The following ZBP1 variants were observed in gnomAD, a reference collection of about 807,000 sequenced individuals.
ZBP1 encodes Z-DNA-binding protein 1.
Under a neutral mutation model 41.1 loss-of-function variants are expected in ZBP1, and 42 were observed. That is an observed-to-expected ratio of 1.02 (90% CI 0.80 to 1.32). The LOEUF (loss-of-function observed/expected upper bound fraction) is 1.32. Ranked by LOEUF, ZBP1 falls within the 40% of genes most tolerant of loss-of-function variation. ZBP1 has a pLI of 0.00. For missense variants in ZBP1, 562 were observed against 549.7 expected, an observed-to-expected ratio of 1.02 and a Z score of -0.22; for synonymous variants, 214 against 205.2, an observed-to-expected ratio of 1.04 and a Z score of -0.37.
chr20:57,612,845 T>A, intron 5 of ZBP1: 1 of 1,146,420 alleles, frequency 8.7e-7, no homozygotes, highest in Non-Finnish European at 1.1e-6. Context: ...CCGGACCCCA[T>A]TGAAAATGAG....
intron 1 of ZBP1, 163 bp downstream of exon 1, chr20:57,620,099 G>C (rs2070964833): frequency 1.2e-6 from 1 of 802,290 alleles, no homozygotes; most frequent in Non-Finnish European, 2.0e-6. Flanking sequence ...GCCTCCCAAA[G>C]TGCTGGGATT....
At chr20:57,614,247 C>T (rs1047970671) in intron 4 of ZBP1, among the ~76,000 whole-genome samples, 2 of 152,144 alleles carry the variant, frequency 1.3e-5, no homozygotes, top group African/African-American at 2.4e-5. Context: ...GTTGGCCAGA[C>T]TGGTCACTCC....
rs751835345 is a variant in ZBP1, at chr20:57,613,372, T to G, written c.503-42A>C. ...AACTGTATCCCTTTGCCACTGTCTATGGGTCAGGGGTTCCCAATACCAGTC... is the reference window on the plus strand; with the variant it reads ...AACTGTATCCCTTTGCCACTGTCTAGGGGTCAGGGGTTCCCAATACCAGTC... On this transcript the variant is annotated intron_variant, in intron 4 of 7. Transcript: ENST00000371173. The surrounding 1 kb of genome is among the most constrained non-coding windows in gnomAD (Gnocchi z 4.5). 1 of 1,592,188 alleles carries G rather than the reference T, an allele frequency of 6.3e-7. No individual in the cohort carries two copies. The highest frequency in any genetic ancestry group is 8.5e-7 in the Non-Finnish European group (1 of 1,170,668).
intron 4 of ZBP1, 53 bp downstream of exon 4, chr20:57,614,834 A>C: frequency 4.4e-6 from 7 of 1,603,504 alleles, no homozygotes; most frequent in Non-Finnish European, 6.0e-6. Context: ...AAGACCAAGC[A>C]CTAGTGTCAT....
chr20:57,613,434 A>C lies in ZBP1; in HGVS notation c.503-104T>G. Reference sequence around the variant, plus strand: ...ATTCTCCTGGGGAGCTTGTTAAAATACCCTGGGCGTTCCGAGTCAGTAGGG... The same window carrying C: ...ATTCTCCTGGGGAGCTTGTTAAAATCCCCTGGGCGTTCCGAGTCAGTAGGG... On this transcript the variant is annotated intron_variant, in intron 4 of 7. Transcript: ENST00000371173. This position sits in a 1 kb window ranked among gnomAD's most constrained non-coding sequence, Gnocchi z 4.5. 2 of 1,307,022 alleles carry C rather than the reference A, an allele frequency of 1.5e-6. No individual in the cohort carries two copies. Among genetic ancestry groups the C allele is most frequent in the Non-Finnish European group, 1.1e-6 (1 of 936,942 alleles). 81.0% of individuals were successfully genotyped at this position (1,307,022 alleles called of 1,614,324 possible).
rs967142878 is a variant in ZBP1, at chr20:57,620,139, C to T, written c.34+123G>A. On this transcript the variant is annotated intron_variant, in intron 1 of 7. Coordinates refer to ENST00000371173, the MANE Select transcript of ZBP1 (RefSeq NM_030776.3). ...GCGTGAGCCACCACGCCCAGCTGGT[C>T]TACTATTCTTTAGGATACTGCTATT... 21 of 1,229,332 alleles carry T rather than the reference C, an allele frequency of 1.7e-5. No individual in the cohort carries two copies. In the African/African-American group the frequency reaches 2.4e-4, roughly 14 times the overall value. The allele number at this position is 1,229,332 out of a possible 1,614,324, so 76.2% of individuals were successfully genotyped here. A position where few individuals can be genotyped will look rare whatever the true frequency, so the allele number is the denominator to read the frequency against.
chr20:57,606,756 G>C (rs1388781155), intron 7 of ZBP1, among the ~76,000 whole-genome samples: 1 of 152,200 alleles, frequency 6.6e-6, no homozygotes, highest in African/African-American at 2.4e-5. Context: ...AGCTAGATGA[G>C]AGCACCTGTA....
At chr20:57,605,760 C>T (rs1251959077) in intron 7 of ZBP1, among the ~76,000 whole-genome samples, 15 of 152,114 alleles carry the variant, frequency 9.9e-5, no homozygotes, top group Admixed American at 9.8e-4. Context: ...CATGGAGAAA[C>T]CCCATCTCTA....
At chr20:57,616,210 A>T (rs761618142) in intron 2 of ZBP1, 34 bp downstream of exon 2, 2 of 1,601,162 alleles carry the variant, frequency 1.2e-6, no homozygotes, top group South Asian at 2.2e-5. Context: ...TGCTCCCTGC[A>T]GGGTCAGACC....
At position 57,610,042 on chromosome 20, in the gene ZBP1, C is replaced by T. The variant is rs1022753379; in HGVS notation, c.1093+107G>A. 3.5e-5 allele frequency: 46 copies of T among 1,314,142 alleles called. No individual in the cohort carries two copies. The highest frequency in any genetic ancestry group is 2.7e-4 in the Middle Eastern group (1 of 3,686). The allele number at this position is 1,314,142 out of a possible 1,614,324, so 81.4% of individuals were successfully genotyped here. On this transcript the variant is annotated intron_variant, in intron 7 of 7. Transcript: ENST00000371173. The surrounding 1 kb of genome is among the most constrained non-coding windows in gnomAD (Gnocchi z 5.5). ...GTGGGTGGGCACAGCCTCCAGACTCCGGGAAACCAGAGATTAGCGAATGAT... is the reference window on the plus strand; with the variant it reads ...GTGGGTGGGCACAGCCTCCAGACTCTGGGAAACCAGAGATTAGCGAATGAT...
intron 4 of ZBP1, among the ~76,000 whole-genome samples, chr20:57,614,232 G>C (rs941503704): frequency 2.6e-5 from 4 of 151,856 alleles, no homozygotes; most frequent in Non-Finnish European, 5.9e-5. Context: ...ACGGGGTTTC[G>C]CCATGTTGGC....
rs2070442730 is a variant in ZBP1 at position 57,604,334 on chromosome 20, C to T, written c.*239G>A. On this transcript the variant is annotated 3_prime_UTR_variant, in exon 8 of 8. Transcript: ENST00000371173. ...GAGCCCCACTCCCATCTACCCACCT[C>T]CTCTTGGCACACCAAAGGTTCCCCA... The T allele has an allele frequency of 3.1e-6, 2 of 654,540 alleles. No homozygotes were observed. Among genetic ancestry groups the T allele is most frequent in the Admixed American group, 2.1e-5 (1 of 48,198 alleles). The allele number at this position is 654,540 out of a possible 1,614,324, so 40.5% of individuals were successfully genotyped here. A position where few individuals can be genotyped will look rare whatever the true frequency, so the allele number is the denominator to read the frequency against.
At position 57,608,127 on chromosome 20, in the gene ZBP1, A is replaced by ATTT. The variant is rs35089801; in HGVS notation, c.1093+2019_1093+2021dup. Among the ~76,000 whole-genome samples, 126 of 146,584 alleles carry ATTT rather than the reference A, an allele frequency of 8.6e-4. 1 individual carries two copies. The highest frequency in any genetic ancestry group is 2.0e-3 in the East Asian group (10 of 4,940). The stretch of plus-strand genomic sequence containing the variant: ...GCAGGGCAAATCTGGGAGTGTGACC[A>ATTT]TTTTTTTTTTTTGAGACAGAGTCTT... On this transcript the variant is annotated intron_variant, in intron 7 of 7. Transcript: ENST00000371173.
intron 7 of ZBP1, chr20:57,607,034 TA>T (rs2070515607): frequency 7.8e-7 from 1 of 1,289,828 alleles, no homozygotes; most frequent in Admixed American, 2.4e-5. Context: ...GCCCATGGAT[TA>T]AGGAGTAACT....
chr20:57,607,159 A>T, intron 7 of ZBP1: 1 of 1,304,260 alleles, frequency 7.7e-7, no homozygotes. Flanking sequence ...TCTGGAAAAG[A>T]TCACCAATCT....
intron 3 of ZBP1, 138 bp from the exon 4 acceptor site, chr20:57,615,198 G>C: frequency 4.1e-6 from 4 of 975,856 alleles, no homozygotes; most frequent in Non-Finnish European, 6.2e-6. Context: ...TCATGATAAC[G>C]GGGTCATCAT....
Position 57,613,115 on chromosome 20 carries a change from G to A in ZBP1, c.670+48C>T, listed in dbSNP as rs367672630. The A allele has an allele frequency of 6.5e-5, 104 of 1,611,710 alleles. No homozygotes were observed. The highest frequency in any genetic ancestry group is 8.2e-5 in the Non-Finnish European group (97 of 1,178,860). On this transcript the variant is annotated intron_variant, in intron 5 of 7. Transcript: ENST00000371173. The surrounding 1 kb of genome is among the most constrained non-coding windows in gnomAD (Gnocchi z 4.5). ...CCTTTGCCCCCACCCAGAGGATCCG[G>A]TGGCTCCCCACCGAGGTCCCCTCCC... is the stretch of plus-strand genomic sequence containing the variant.
At chr20:57,607,282 A>G in intron 7 of ZBP1, 1 of 1,300,224 alleles carries the variant, frequency 7.7e-7, no homozygotes, top group Non-Finnish European at 1.0e-6. Flanking sequence ...GGGGTTCAAG[A>G]CTTCAGTGAA....
rs1351382671 is a variant in ZBP1 at position 57,616,440 on chromosome 20, C to T, written c.63G>A (p.Val21=). 6.2e-7 allele frequency: 1 copy of T among 1,613,910 alleles called. No individual in the cohort carries two copies. Among genetic ancestry groups the T allele is most frequent in the Admixed American group, 1.7e-5 (1 of 60,024 alleles). ...TCACCGGGGAGCCAGCCTCTGTCAG[C>T]ACCTGCAGGATTCTTTGTTCAAGGT... ...EGHLEQRILQ[V]LTEAGSPVKL... The change falls in exon 2 of 8, where the codon GTG becomes GTA. Residue 21 remains valine, a synonymous_variant. Transcript: ENST00000371173.
Sources: allele counts gnomAD v4.1 joint callset (sites outside exome capture counted in the v4.1 genomes callset), GRCh38; gene constraint gnomAD v4.1.1; non-coding constraint Gnocchi (gnomAD v3.1); transcripts MANE v1.5; gene names NCBI Gene and HGNC (gene_info 2026-07-23, HGNC 2026-07-21).